GALNT9: variants seen among roughly 807,000 people sequenced by gnomAD.
GALNT9 encodes the protein polypeptide N-acetylgalactosaminyltransferase 9.
A neutral mutation model predicts 63.1 loss-of-function variants in GALNT9; 47 were observed. The observed-to-expected ratio is 0.75, with a 90% CI of 0.59 to 0.95. The LOEUF (loss-of-function observed/expected upper bound fraction) is 0.95, where lower values mean the gene tolerates loss of function less well. Among genes scored for constraint, GALNT9 ranks in the 40% least tolerant of loss-of-function variants. The pLI is 0.00. For synonymous variants in GALNT9, 396 were observed against 365.7 expected (o/e 1.08, Z -0.94); for missense variants, 829 against 874.8 (o/e 0.95, Z 0.66).
intron 1 of GALNT9, among the ~76,000 whole-genome samples, chr12:132,287,064 C>A (rs1342908502): frequency 2.2e-5 from 2 of 93,004 alleles, no homozygotes; most frequent in African/African-American, 8.3e-5. Flanking sequence ...TGAGCGCCCC[C>A]CCCCCCCCCC....
At chr12:132,247,615 C>T (rs547057873) in intron 6 of GALNT9, 33 of 567,348 alleles carry the variant, frequency 5.8e-5, no homozygotes, top group South Asian at 4.7e-4. Context: ...ACTGCAGCCA[C>T]ACTCGCCCTC....
chr12:132,206,198 C>G (rs1046354200), intron 6 of GALNT9: 1 of 152,692 alleles, frequency 6.5e-6, no homozygotes, highest in Non-Finnish European at 1.5e-5. Flanking sequence ...CTTGCCCACC[C>G]CCTGGGTTCG....
intron 1 of GALNT9, among the ~76,000 whole-genome samples, chr12:132,322,741 G>A (rs1253558197): frequency 6.6e-6 from 1 of 152,224 alleles, no homozygotes; most frequent in Non-Finnish European, 1.5e-5. Context: ...GGTGAGCCCA[G>A]GGGACCGGGC....
At chr12:132,239,213 GAGAGAC>G (rs1878117010) in intron 6 of GALNT9, among the ~76,000 whole-genome samples, 2 of 146,928 alleles carry the variant, frequency 1.4e-5, no homozygotes, top group Non-Finnish European at 3.0e-5. Context: ...GAGAGAGACA[GAGAGAC>G]ACAGAGACAG....
chr12:132,268,383 T>C (rs1452249632), intron 2 of GALNT9, among the ~76,000 whole-genome samples: 1 of 152,140 alleles, frequency 6.6e-6, no homozygotes, highest in Non-Finnish European at 1.5e-5. Flanking sequence ...TTCCACCACA[T>C]ACAAAAATTA....
chr12:132,259,398 G>A (rs4077901), intron 4 of GALNT9, among the ~76,000 whole-genome samples: 64,362 of 151,904 alleles, frequency 0.42, 14,781 homozygotes, highest in South Asian at 0.55. Flanking sequence ...GTGACATTGT[G>A]GGGGGCAGAC....
intron 6 of GALNT9, 75 bp from the exon 7 acceptor site, chr12:132,203,765 A>T: frequency 6.6e-7 from 1 of 1,507,628 alleles, no homozygotes; most frequent in Non-Finnish European, 9.0e-7. Context: ...GGGGCCCGTG[A>T]GAGGCCAAGG....
At chr12:132,297,772 C>A (rs1881128173) in intron 1 of GALNT9, among the ~76,000 whole-genome samples, 1 of 151,718 alleles carries the variant, frequency 6.6e-6, no homozygotes, top group Non-Finnish European at 1.5e-5. Flanking sequence ...CTGAGACAAC[C>A]AAACCGATCC....
chr12:132,225,573 ACAACCCACACAC>A (rs1262096335), intron 6 of GALNT9, among the ~76,000 whole-genome samples: 17 of 146,956 alleles, frequency 1.2e-4, no homozygotes, highest in Non-Finnish European at 7.5e-5. Context: ...CACACCCCAC[ACAACCCACACAC>A]CACATTCTAT....
At chr12:132,211,290 T>A (rs368917313) in intron 6 of GALNT9, among the ~76,000 whole-genome samples, 2 of 152,234 alleles carry the variant, frequency 1.3e-5, no homozygotes, top group African/African-American at 4.8e-5. Context: ...GATATATTTA[T>A]GCTACAGGAA....
rs1878749978 is a variant in GALNT9, at chr12:132,247,602, G to A, written c.1077+308C>T. 5.4e-6 allele frequency: 3 copies of A among 551,790 alleles called. No individual in the cohort carries two copies. The African/African-American group carries it at 5.6e-5, about 10-fold the overall frequency. The allele number at this position is 551,790 out of a possible 1,614,324, so 34.2% of individuals were successfully genotyped here. ...TGCACTCGCCCTCACCCTGTCCCCG[G>A]ACACTGCAGCCACACTCGCCCTCAC... On this transcript the variant is annotated intron_variant, in intron 6 of 10. Coordinates refer to ENST00000328957, the MANE Select transcript of GALNT9 (RefSeq NM_001122636.2).
intron 6 of GALNT9, among the ~76,000 whole-genome samples, chr12:132,216,818 C>G (rs1359400727): frequency 3.9e-5 from 6 of 152,216 alleles, no homozygotes; most frequent in Non-Finnish European, 4.4e-5. Flanking sequence ...TCCCAGGCAG[C>G]CTGTGAGGCG....
At chr12:132,214,395 C>G (rs1336892087) in intron 6 of GALNT9, among the ~76,000 whole-genome samples, 1 of 152,216 alleles carries the variant, frequency 6.6e-6, no homozygotes, top group Non-Finnish European at 1.5e-5. Context: ...GCCCGAGAGG[C>G]CTGCCCCTCC....
intron 1 of GALNT9, among the ~76,000 whole-genome samples, chr12:132,323,852 G>C (rs1346822400): frequency 6.6e-6 from 1 of 152,232 alleles, no homozygotes; most frequent in Admixed American, 6.5e-5. Context: ...GTGGAAAGAC[G>C]GTCAACGCTG....
intron 1 of GALNT9, among the ~76,000 whole-genome samples, chr12:132,294,235 A>T (rs1880966970): frequency 6.6e-6 from 1 of 152,132 alleles, no homozygotes; most frequent in East Asian, 1.9e-4. Flanking sequence ...GGTCCAATGA[A>T]CGAATGACTC....
intron 5 of GALNT9, among the ~76,000 whole-genome samples, chr12:132,250,841 A>G (rs1390587994): frequency 7.2e-5 from 11 of 152,154 alleles, no homozygotes; most frequent in African/African-American, 2.7e-4. Flanking sequence ...GACGGCGAGG[A>G]GGCGGTGGGC....
chr12:132,196,996 G>T lies in GALNT9; in HGVS notation c.*111C>A. On this transcript the variant is annotated 3_prime_UTR_variant, in exon 11 of 11. Transcript: ENST00000328957. ...CCCCTCAGCCTCTGCTGTCCTGGCC[G>T]CACATAGAGCCCTGTCCTGCTGTGT... is the stretch of plus-strand genomic sequence containing the variant. 6.5e-7 allele frequency: 1 copy of T among 1,532,346 alleles called. No homozygotes were observed. Among genetic ancestry groups the T allele is most frequent in the Non-Finnish European group, 8.8e-7 (1 of 1,140,224 alleles). 94.9% of individuals were successfully genotyped at this position (1,532,346 alleles called of 1,614,324 possible).
In GALNT9 at chr12:132,316,710, C is replaced by T. The variant is rs1868527048; in HGVS notation, c.238+12256G>A. On this transcript the variant is annotated intron_variant, in intron 1 of 10. Coordinates refer to ENST00000328957, the MANE Select transcript of GALNT9 (RefSeq NM_001122636.2). The surrounding 1 kb of genome is among the most constrained non-coding windows in gnomAD (Gnocchi z 4.3). ...TTTCAGATCCGACAGGGACGCCCAC[C>T]CCAGCCCACTCCCTCTGCAGCCACC... Among the ~76,000 whole-genome samples, 1 of 152,050 alleles carries T rather than the reference C, an allele frequency of 6.6e-6. No homozygotes were observed. Among genetic ancestry groups the T allele is most frequent in the African/African-American group, 2.4e-5 (1 of 41,368 alleles).
chr12:132,281,280 A>G (rs1361448666), intron 2 of GALNT9, among the ~76,000 whole-genome samples: 1 of 152,184 alleles, frequency 6.6e-6, no homozygotes, highest in Non-Finnish European at 1.5e-5. Flanking sequence ...TTCCGCAGGC[A>G]CCGGGGAAGC....
Sources: allele counts gnomAD v4.1 joint callset (sites outside exome capture counted in the v4.1 genomes callset), GRCh38; gene constraint gnomAD v4.1.1; non-coding constraint Gnocchi (gnomAD v3.1); transcripts MANE v1.5; gene names NCBI Gene and HGNC (gene_info 2026-07-23, HGNC 2026-07-21).